CEP290: variants seen among roughly 807,000 people sequenced by gnomAD.
The protein encoded by CEP290 is centrosomal protein of 290 kDa.
Under a neutral mutation model 344.9 loss-of-function variants are expected in CEP290, and 317 were observed. The ratio of observed to expected loss-of-function variants is 0.92; its 90% CI spans 0.84 to 1.01. The LOEUF is 1.01. Ranked by LOEUF, CEP290 falls within the 50% of genes least tolerant of loss-of-function variation. CEP290 has a pLI of 0.00. For synonymous variants in CEP290, 932 were observed against 895.8 expected (o/e 1.04, Z -0.72); for missense variants, 2,754 against 2,761.4 (o/e 1.00, Z 0.06).
rs1255749762 is a variant in CEP290 at position 88,060,884 on chromosome 12, T to C, written c.6468A>G (p.Gly2156=). ...RENEQLKKAS[G]ILTSEKMANI... ...TAGCCATTTTTTCACTAGTCAATATTCCTGATGCTTTTTTCAACTGTTCAT... is the reference window on the plus strand; with the variant it reads ...TAGCCATTTTTTCACTAGTCAATATCCCTGATGCTTTTTTCAACTGTTCAT... The change falls in exon 47 of 54, where the codon GGA becomes GGG. Residue 2156 remains glycine, a synonymous_variant. Coordinates refer to ENST00000552810, the MANE Select transcript of CEP290 (RefSeq NM_025114.4). The C allele has an allele frequency of 1.3e-6, 2 of 1,547,360 alleles. No individual in the cohort carries two copies. The highest frequency in any genetic ancestry group is 2.7e-5 in the African/African-American group (2 of 73,118).
Position 88,117,208 on chromosome 12 carries a change from T to C in CEP290, c.1712-63A>G, listed in dbSNP as rs950953926. 18 of 773,020 alleles carry C rather than the reference T, an allele frequency of 2.3e-5. No homozygotes were observed. The Admixed American group carries it at 5.7e-4, about 24-fold the overall frequency. The allele number at this position is 773,020 out of a possible 1,614,324, so 47.9% of individuals were successfully genotyped here. On this transcript the variant is annotated intron_variant, in intron 17 of 53. Transcript: ENST00000552810. ...ATAACCCTCCTACTATTCCAACACT[T>C]TAATTCTTAAAACCTACAATCAAGT...
At chr12:88,094,026 C>T (rs566420790) in intron 27 of CEP290, 51 bp from the exon 28 acceptor site, 3 of 1,362,266 alleles carry the variant, frequency 2.2e-6, no homozygotes, top group Admixed American at 2.3e-5. Context: ...ATTAAAATTA[C>T]CTCAGATATT....
rs757196729 is a variant in CEP290, at chr12:88,141,235, C to T, written c.73G>A (p.Ala25Thr). ...PDDLPRQEELADNLLISLSKV... is the reference protein window; with the variant it reads ...PDDLPRQEELTDNLLISLSKV... Reference sequence around the variant, plus strand: ...GATAAGGAAATCAATAAATTATCTGCCAGTTCTTCTTGACGGGGCAGGTCA... The same window carrying T: ...GATAAGGAAATCAATAAATTATCTGTCAGTTCTTCTTGACGGGGCAGGTCA... The change falls in exon 2 of 54, where the codon GCA becomes ACA. Residue 25 changes from alanine (A) to threonine (T), a missense_variant. Coordinates refer to ENST00000552810, the MANE Select transcript of CEP290 (RefSeq NM_025114.4). 6.2e-7 allele frequency: 1 copy of T among 1,610,126 alleles called. No homozygotes were observed. Among genetic ancestry groups the T allele is most frequent in the Non-Finnish European group, 8.5e-7 (1 of 1,178,474 alleles).
intron 12 of CEP290, among the ~76,000 whole-genome samples, chr12:88,125,902 G>T (rs2039699226): frequency 6.6e-6 from 1 of 151,830 alleles, no homozygotes; most frequent in Admixed American, 6.6e-5. Flanking sequence ...AATAAAATAG[G>T]TAGCACAGTC....
chr12:88,104,088 A>C (rs1293158439), intron 25 of CEP290: 1 of 152,156 alleles, frequency 6.6e-6, no homozygotes, highest in African/African-American at 2.4e-5. Context: ...ATTCTAAAAA[A>C]ATCTAACACA....
chr12:88,121,645 A>G (rs1385625288), intron 13 of CEP290, among the ~76,000 whole-genome samples: 1 of 151,958 alleles, frequency 6.6e-6, no homozygotes, highest in Non-Finnish European at 1.5e-5. Flanking sequence ...TTTAAAATAA[A>G]GGAGTAATCT....
intron 39 of CEP290, among the ~76,000 whole-genome samples, chr12:88,078,858 T>C (rs2035977604): frequency 6.6e-6 from 1 of 152,120 alleles, no homozygotes; most frequent in South Asian, 2.1e-4. Context: ...TTAATTTCAT[T>C]AGAAACAGTA....
Position 88,087,963 on chromosome 12 carries a change from A to T in CEP290, c.4030-19T>A. On this transcript the variant is annotated intron_variant, in intron 31 of 53. Coordinates refer to ENST00000552810, the MANE Select transcript of CEP290 (RefSeq NM_025114.4). ...TGATTACCTAAGATTTACAATTTAT[A>T]TACACAAATATAAATGCTATATTAA... 1.0e-6 allele frequency: 1 copy of T among 983,328 alleles called. No homozygotes were observed. The highest frequency in any genetic ancestry group is 1.3e-6 in the Non-Finnish European group (1 of 745,490). 60.9% of individuals were successfully genotyped at this position (983,328 alleles called of 1,614,324 possible).
At chr12:88,070,109 A>G (rs1212975124) in intron 43 of CEP290, among the ~76,000 whole-genome samples, 2 of 152,184 alleles carry the variant, frequency 1.3e-5, no homozygotes, top group African/African-American at 4.8e-5. Context: ...ACACACAAAA[A>G]TCTCAAAGGC....
At chr12:88,102,416 C>A (rs1325693833) in intron 26 of CEP290, among the ~76,000 whole-genome samples, 2 of 152,100 alleles carry the variant, frequency 1.3e-5, no homozygotes, top group Admixed American at 6.5e-5. Flanking sequence ...AAGCCAGGGA[C>A]CATGGGAGAA....
chr12:88,055,798 T>C, intron 49 of CEP290, 81 bp from the exon 50 acceptor site: 1 of 949,018 alleles, frequency 1.1e-6, no homozygotes, highest in Non-Finnish European at 1.5e-6. Context: ...ATAACTGTAC[T>C]AAAAATAAGC....
At chr12:88,064,724 G>T (rs2034767970) in intron 44 of CEP290, among the ~76,000 whole-genome samples, 1 of 152,058 alleles carries the variant, frequency 6.6e-6, no homozygotes, top group South Asian at 2.1e-4. Context: ...AGAGAGGATT[G>T]GGAAAGATCT....
intron 13 of CEP290, among the ~76,000 whole-genome samples, chr12:88,124,416 TC>T (rs2039602017): frequency 6.6e-6 from 1 of 152,132 alleles, no homozygotes; most frequent in African/African-American, 2.4e-5. Flanking sequence ...TTCAATTATC[TC>T]CTGAGCAAGG....
rs748136972 is a variant in CEP290, at chr12:88,128,991, ATCT to A, written c.894_896del (p.Glu298del). 4 of 1,539,708 alleles carry A rather than the reference ATCT, an allele frequency of 2.6e-6. No individual in the cohort carries two copies. The highest frequency in any genetic ancestry group is 2.2e-5 in the Admixed American group (1 of 44,648). On this transcript the variant is annotated inframe_deletion, in exon 11 of 54. Transcript: ENST00000552810. ...CATTGACAGCTACCATAATTGGATC[ATCT>A]TCTTCATTTTTTGATTTCAGAAGAT...
chr12:88,078,122 A>G (rs1024394376), intron 39 of CEP290, among the ~76,000 whole-genome samples: 1 of 144,120 alleles, frequency 6.9e-6, no homozygotes, highest in Non-Finnish European at 1.5e-5. Flanking sequence ...CGACTTTGAG[A>G]AAAAAAAAAA....
At chr12:88,099,617 T>C (rs930381865) in intron 26 of CEP290, among the ~76,000 whole-genome samples, 2 of 152,106 alleles carry the variant, frequency 1.3e-5, no homozygotes, top group Non-Finnish European at 2.9e-5. Context: ...TTAAGTGTTA[T>C]GAAGAATAAT....
At position 88,092,812 on chromosome 12, in the gene CEP290, A is replaced by G; in HGVS notation, c.3330T>C (p.Asp1110=). 3.1e-6 allele frequency: 5 copies of G among 1,609,350 alleles called. No individual in the cohort carries two copies. Among genetic ancestry groups the G allele is most frequent in the Non-Finnish European group, 4.2e-6 (5 of 1,178,312 alleles). ...TTAACATCTGTTCCACCTTCTGTGC[A>G]TCCAAATTGATTTTGGTAAGCTAAG... ...KFAELTKINL[D]AQKVEQMLRD... is the part of the protein sequence containing the mutation. Residue 1110 remains aspartate, a synonymous_variant, in exon 29 of 54, where the codon GAT becomes GAC. Transcript: ENST00000552810.
At chr12:88,085,779 A>C (rs564250221) in intron 34 of CEP290, among the ~76,000 whole-genome samples, 1 of 152,286 alleles carries the variant, frequency 6.6e-6, no homozygotes, top group South Asian at 2.1e-4. Context: ...TTGCTCATAG[A>C]ACTACAATTA....
At chr12:88,131,981 A>G (rs546468363) in intron 6 of CEP290, among the ~76,000 whole-genome samples, 27 of 152,306 alleles carry the variant, frequency 1.8e-4, no homozygotes, top group Admixed American at 7.8e-4. Flanking sequence ...TATGTCCCTC[A>G]TCAACCAATT....
Sources: allele counts gnomAD v4.1 joint callset (sites outside exome capture counted in the v4.1 genomes callset), GRCh38; gene constraint gnomAD v4.1.1; transcripts MANE v1.5; gene names NCBI Gene and HGNC (gene_info 2026-07-23, HGNC 2026-07-21).